Variants in ERI2 observed in about 807,000 individuals in gnomAD.
ERI2 encodes the protein ERI1 exoribonuclease family member 2, also known as ERI1 exoribonuclease 2.
Under a neutral mutation model 46.8 loss-of-function variants are expected in ERI2, and 35 were observed. The ratio of observed to expected loss-of-function variants is 0.75; its 90% CI spans 0.57 to 0.99. The LOEUF (loss-of-function observed/expected upper bound fraction) is 0.99. Among genes scored for constraint, ERI2 ranks in the 50% least tolerant of loss-of-function variants. The pLI, the probability that ERI2 is intolerant of heterozygous loss-of-function variation, is 0.00. For missense variants in ERI2, 695 were observed against 796.2 expected, an observed-to-expected ratio of 0.87 and a Z score of 1.53; for synonymous variants, 224 against 271.0, an observed-to-expected ratio of 0.83 and a Z score of 1.70.
chr16:20,793,039 G>C (rs922248683), downstream of ERI2, among the ~76,000 whole-genome samples: 4 of 152,194 alleles, frequency 2.6e-5, no homozygotes, highest in African/African-American at 9.7e-5. Flanking sequence ...AGATGACACT[G>C]ATGTCAATAC....
Position 20,797,241 on chromosome 16 carries a change from A to C in ERI2, c.*483T>G. ...TTAATTTTTAAATGTATAGTATAGA[A>C]GCAGTTTCTGAACCAGATCTCTGCT... On this transcript the variant is annotated 3_prime_UTR_variant, in exon 9 of 9. Transcript: ENST00000357967. 8.9e-7 allele frequency: 1 copy of C among 1,128,998 alleles called. No individual in the cohort carries two copies. Among genetic ancestry groups the C allele is most frequent in the Non-Finnish European group, 1.1e-6 (1 of 925,158 alleles). 69.9% of individuals were successfully genotyped at this position (1,128,998 alleles called of 1,614,324 possible).
In ERI2 at chr16:20,797,554, T is replaced by C; in HGVS notation, c.*170A>G. 1 of 1,238,800 alleles carries C rather than the reference T, an allele frequency of 8.1e-7. No individual in the cohort carries two copies. The highest frequency in any genetic ancestry group is 1.0e-6 in the Non-Finnish European group (1 of 988,554). The allele number at this position is 1,238,800 out of a possible 1,614,324, so 76.7% of individuals were successfully genotyped here. On this transcript the variant is annotated 3_prime_UTR_variant, in exon 9 of 9. Transcript: ENST00000357967. The stretch of plus-strand genomic sequence containing the variant: ...ATATACTATTGTTGCTTATTATATG[T>C]AATCTAATAAATACTGTTTACAAAA...
At chr16:20,800,180 C>T in intron 6 of ERI2, 122 bp downstream of exon 6, 1 of 832,904 alleles carries the variant, frequency 1.2e-6, no homozygotes, top group Non-Finnish European at 1.9e-6. Context: ...TTAAGAAATG[C>T]ATTTATGTGA....
In ERI2 at chr16:20,797,563, A is replaced by G. The variant is rs1022049501; in HGVS notation, c.*161T>C. The stretch of plus-strand genomic sequence containing the variant: ...TGTTGCTTATTATATGTAATCTAAT[A>G]AATACTGTTTACAAAAGATTACACT... On this transcript the variant is annotated 3_prime_UTR_variant, in exon 9 of 9. Coordinates refer to ENST00000357967, the MANE Select transcript of ERI2 (RefSeq NM_001142725.2). 3 of 1,274,946 alleles carry G rather than the reference A, an allele frequency of 2.4e-6. No homozygotes were observed. The African/African-American group carries it at 4.6e-5, about 20-fold the overall frequency. The allele number at this position is 1,274,946 out of a possible 1,614,324, so 79.0% of individuals were successfully genotyped here.
At chr16:20,788,576 G>A (rs1260274143) in intron 10 of ERI2, among the ~76,000 whole-genome samples, 1 of 152,150 alleles carries the variant, frequency 6.6e-6, no homozygotes, top group African/African-American at 2.4e-5. Context: ...GTAACATTCT[G>A]GCATCTGGGG....
rs1567368667 is a variant in ERI2, at chr16:20,796,985, A to C, written c.*739T>G. 6.2e-7 allele frequency: 1 copy of C among 1,610,508 alleles called. No individual in the cohort carries two copies. The highest frequency in any genetic ancestry group is 2.2e-5 in the East Asian group (1 of 44,664). ...GAAGACAATTTAAAGTTGTTTCATT[A>C]ATTACCATATCTATAAAACAAACAT... On this transcript the variant is annotated 3_prime_UTR_variant, in exon 9 of 9. Transcript: ENST00000357967.
intron 10 of ERI2, chr16:20,781,250 C>A: frequency 1.6e-6 from 2 of 1,276,054 alleles, no homozygotes; most frequent in Non-Finnish European, 2.2e-6. Context: ...AGATATGTCA[C>A]ATCCAGAAAG....
chr16:20,799,127 G>A, intron 8 of ERI2, 60 bp from the exon 9 acceptor site: 1 of 1,482,098 alleles, frequency 6.7e-7, no homozygotes, highest in Non-Finnish European at 8.9e-7. Context: ...AATTTCTTCA[G>A]TATACAGTTT....
chr16:20,785,975 C>A, intron 10 of ERI2: 2 of 724,844 alleles, frequency 2.8e-6, no homozygotes, highest in Non-Finnish European at 4.4e-6. Flanking sequence ...GAGCCTAGTT[C>A]ATAGTAAGTT....
downstream of ERI2, among the ~76,000 whole-genome samples, chr16:20,793,105 T>C (rs140293342): frequency 6.6e-6 from 1 of 152,288 alleles, no homozygotes; most frequent in African/African-American, 2.4e-5. Context: ...ATCCTAGGTA[T>C]AGGGCTTCAA....
At position 20,797,429 on chromosome 16, in the gene ERI2, T is replaced by C. The variant is rs2080742946; in HGVS notation, c.*295A>G. 3.9e-6 allele frequency: 4 copies of C among 1,017,596 alleles called. No homozygotes were observed. The South Asian group carries it at 1.9e-4, about 47-fold the overall frequency. 63.0% of individuals were successfully genotyped at this position (1,017,596 alleles called of 1,614,324 possible). On this transcript the variant is annotated 3_prime_UTR_variant, in exon 9 of 9. Coordinates refer to ENST00000357967, the MANE Select transcript of ERI2 (RefSeq NM_001142725.2). Reference sequence around the variant, plus strand: ...ATGATAATCTCAAAGTACAAGAATCTACCTGAAAATAGACTAGGGATTTTT... The same window carrying C: ...ATGATAATCTCAAAGTACAAGAATCCACCTGAAAATAGACTAGGGATTTTT...
At chr16:20,786,252 T>C (rs2080473364) in intron 10 of ERI2, 1 of 1,493,678 alleles carries the variant, frequency 6.7e-7, no homozygotes, top group Non-Finnish European at 8.9e-7. Flanking sequence ...TTTGTTATGA[T>C]GGTGATTCCA....
intron 10 of ERI2, chr16:20,780,888 G>T (rs1298136238): frequency 6.2e-7 from 1 of 1,613,752 alleles, no homozygotes; most frequent in Non-Finnish European, 8.5e-7. Context: ...AGCTTGAAGT[G>T]TCAAAACTGC....
At chr16:20,802,616 T>C (rs2080808569) in intron 4 of ERI2, among the ~76,000 whole-genome samples, 180 bp downstream of exon 4, 1 of 151,660 alleles carries the variant, frequency 6.6e-6, no homozygotes, top group Non-Finnish European at 1.5e-5. Flanking sequence ...TCTCACTATG[T>C]TGTCTAGGTT....
Position 20,798,521 on chromosome 16 carries a change from C to T in ERI2, c.1279G>A (p.Val427Ile). Residue 427 changes from valine to isoleucine, a missense_variant, in exon 9 of 9, where the codon GTT (valine) becomes ATT (isoleucine). Coordinates refer to ENST00000357967, the MANE Select transcript of ERI2 (RefSeq NM_001142725.2). ...TCTAAGTCTGAGTCACTAATGGGAA[C>T]TGTACAGTCTACGTTTTCCTCAGGC... ...SQPEENVDCT[V>I]PISDSDLEIS... 6.4e-7 allele frequency: 1 copy of T among 1,551,578 alleles called. No homozygotes were observed. Among genetic ancestry groups the T allele is most frequent in the Non-Finnish European group, 8.7e-7 (1 of 1,146,882 alleles).
chr16:20,803,309 GT>G, intron 3 of ERI2, 123 bp downstream of exon 3: 1 of 1,086,916 alleles, frequency 9.2e-7, no homozygotes, highest in East Asian at 2.6e-5. Context: ...TTCAACATAA[GT>G]TTTGCATTAA....
chr16:20,798,872 G>C lies in ERI2; in HGVS notation c.928C>G (p.Gln310Glu). Residue 310 changes from glutamine to glutamate, a missense_variant, in exon 9 of 9, where the codon CAA becomes GAA. Physicochemically the swap from Gln to Glu is conservative, Grantham distance 29 (BLOSUM62 2). Transcript: ENST00000357967. ...ANSPIKAQQD[Q>E]LQVKNNIKAS... ...TTTATATTGTTTTTTACTTGTAATTGATCCTGTTGTGCCTTTATAGGAGAA... is the reference window on the plus strand; with the variant it reads ...TTTATATTGTTTTTTACTTGTAATTCATCCTGTTGTGCCTTTATAGGAGAA... 2 of 1,550,508 alleles carry C rather than the reference G, an allele frequency of 1.3e-6. No homozygotes were observed. Among genetic ancestry groups the C allele is most frequent in the Non-Finnish European group, 1.7e-6 (2 of 1,146,686 alleles).
At chr16:20,788,346 T>C (rs745911225) in intron 10 of ERI2, among the ~76,000 whole-genome samples, 8 of 152,230 alleles carry the variant, frequency 5.3e-5, no homozygotes, top group Non-Finnish European at 1.0e-4. Context: ...ATCAGGGTCT[T>C]ACAGGCACAG....
chr16:20,786,092 A>T (rs1739607481), intron 10 of ERI2: 1 of 1,594,052 alleles, frequency 6.3e-7, no homozygotes, highest in African/African-American at 1.4e-5. Flanking sequence ...TAATCTGTGG[A>T]AATTTTAAGG....
Sources: allele counts gnomAD v4.1 joint callset (sites outside exome capture counted in the v4.1 genomes callset), GRCh38; gene constraint gnomAD v4.1.1; transcripts MANE v1.5; gene names NCBI Gene and HGNC (gene_info 2026-07-23, HGNC 2026-07-21).